Variants in KATNIP observed in about 807,000 individuals in gnomAD.
The protein encoded by KATNIP is katanin-interacting protein.
A neutral mutation model predicts 174.0 loss-of-function variants in KATNIP; 126 were observed. That is an observed-to-expected ratio of 0.72 (90% CI 0.63 to 0.84). The LOEUF is 0.84. KATNIP is among the 40% of genes least tolerant of loss of function. The pLI is 0.00. For missense variants in KATNIP, 1,958 were observed against 2,109.7 expected (o/e 0.93, Z 1.41); for synonymous variants, 810 against 835.7 (o/e 0.97, Z 0.53).
chr16:27,649,298 T>A (rs2077053747), intron 6 of KATNIP, among the ~76,000 whole-genome samples: 1 of 152,212 alleles, frequency 6.6e-6, no homozygotes. Flanking sequence ...GCTTACAGGG[T>A]TGACAACAGG....
chr16:27,646,591 C>G (rs1207387494), intron 5 of KATNIP, among the ~76,000 whole-genome samples: 3 of 152,176 alleles, frequency 2.0e-5, no homozygotes, highest in Non-Finnish European at 2.9e-5. Context: ...TGCAGATCCT[C>G]GCAGCCCCAG....
intron 5 of KATNIP, among the ~76,000 whole-genome samples, chr16:27,640,180 G>A (rs1374506553): frequency 6.6e-6 from 1 of 152,238 alleles, no homozygotes; most frequent in Non-Finnish European, 1.5e-5. Flanking sequence ...TGGATTTGGG[G>A]ATGTCACTGC....
At chr16:27,772,682 AC>A (rs2082348694) in intron 22 of KATNIP, among the ~76,000 whole-genome samples, 1 of 152,118 alleles carries the variant, frequency 6.6e-6, no homozygotes, top group African/African-American at 2.4e-5. Flanking sequence ...TCATTTCACA[AC>A]CAGGGAAACT....
rs540858889 is a variant in KATNIP at position 27,580,045 on chromosome 16, A to G, written c.63+6089A>G. Among the ~76,000 whole-genome samples the G allele has an allele frequency of 2.0e-5, 3 of 152,190 alleles. No individual in the cohort carries two copies. The South Asian group carries it at 6.2e-4, about 32-fold the overall frequency. On this transcript the variant is annotated intron_variant, in intron 2 of 27. Coordinates refer to ENST00000261588, the MANE Select transcript of KATNIP (RefSeq NM_015202.5). ...TCTCGACAGCCCTCTCTGTCTCTTC[A>G]GTGTGCAACCACAGACACACCTCTG... is the stretch of plus-strand genomic sequence containing the variant.
At chr16:27,647,559 G>A (rs1041175723) in intron 5 of KATNIP, among the ~76,000 whole-genome samples, 4 of 150,020 alleles carry the variant, frequency 2.7e-5, no homozygotes, top group Non-Finnish European at 4.4e-5. Context: ...AGGCTGGAGT[G>A]CAATGGCATG....
chr16:27,575,827 G>A (rs1567452216), intron 2 of KATNIP, among the ~76,000 whole-genome samples: 1 of 152,306 alleles, frequency 6.6e-6, no homozygotes, highest in East Asian at 1.9e-4. Context: ...CTTCGCTGCT[G>A]CTGAAAAGAT....
At chr16:27,715,140 G>A (rs936880229) in intron 13 of KATNIP, among the ~76,000 whole-genome samples, 3 of 152,238 alleles carry the variant, frequency 2.0e-5, no homozygotes, top group Non-Finnish European at 4.4e-5. Flanking sequence ...TAAACCCATG[G>A]ATTTATAGTC....
rs557550292 is a variant in KATNIP at position 27,741,788 on chromosome 16, G to A, written c.2623+868G>A. On this transcript the variant is annotated intron_variant, in intron 15 of 27. Coordinates refer to ENST00000261588, the MANE Select transcript of KATNIP (RefSeq NM_015202.5). ...CATGTGGTGCGTTCCTGTAATCCCA[G>A]CTACTTGGGAGGCTGAGGCAGGAGG... Among the ~76,000 whole-genome samples the A allele has an allele frequency of 3.9e-5, 6 of 152,224 alleles. No individual in the cohort carries two copies. The South Asian group carries it at 8.3e-4, about 21-fold the overall frequency.
Position 27,777,569 on chromosome 16 carries a change from G to T in KATNIP, c.4552-41G>T, listed in dbSNP as rs770063140. The T allele has an allele frequency of 1.6e-5, 25 of 1,561,472 alleles. 1 individual carries two copies. In the Admixed American group the frequency reaches 4.6e-4, roughly 29 times the overall value. On this transcript the variant is annotated intron_variant, in intron 25 of 27. Coordinates refer to ENST00000261588, the MANE Select transcript of KATNIP (RefSeq NM_015202.5). This position sits in a 1 kb window ranked among gnomAD's most constrained non-coding sequence, Gnocchi z 4.4. ...GTTCTGCCCAAGGTCAACGTGGGAG[G>T]GACGAGGGGGACCCATGAGTCCTGC...
Position 27,760,509 on chromosome 16 carries a change from G to A in KATNIP, c.3632-904G>A, listed in dbSNP as rs925605328. ...ATGGGAGCAGAGGCAAAAGGATGGC[G>A]GTATCACCCTAGGTCACTTCCTTTA... On this transcript the variant is annotated intron_variant, in intron 18 of 27. Transcript: ENST00000261588. Among the ~76,000 whole-genome samples, 5 of 152,132 alleles carry A rather than the reference G, an allele frequency of 3.3e-5. No homozygotes were observed. The East Asian group carries it at 5.8e-4, about 18-fold the overall frequency.
At chr16:27,778,173 C>A (rs562716377) in intron 27 of KATNIP, among the ~76,000 whole-genome samples, 1 of 152,304 alleles carries the variant, frequency 6.6e-6, no homozygotes, top group Admixed American at 6.5e-5. Flanking sequence ...CTTGCAGGCA[C>A]CTGTAACACA....
intron 6 of KATNIP, among the ~76,000 whole-genome samples, chr16:27,665,191 C>T (rs2077641194): frequency 6.6e-6 from 1 of 151,136 alleles, no homozygotes; most frequent in Middle Eastern, 3.4e-3. Context: ...CAGCAGCGCA[C>T]CTCCTGGGTT....
At chr16:27,554,839 G>C (rs983686575) in intron 1 of KATNIP, among the ~76,000 whole-genome samples, 2 of 142,650 alleles carry the variant, frequency 1.4e-5, no homozygotes, top group Non-Finnish European at 3.0e-5. Context: ...TGTCACCCAG[G>C]CTGTAGTACA....
At chr16:27,703,490 GTTA>G (rs1268333004) in intron 11 of KATNIP, among the ~76,000 whole-genome samples, 2 of 152,196 alleles carry the variant, frequency 1.3e-5, no homozygotes, top group Admixed American at 6.5e-5. Flanking sequence ...TTTTGTTGTT[GTTA>G]TTGTTGTTGT....
chr16:27,591,743 G>A (rs757280315), intron 2 of KATNIP, among the ~76,000 whole-genome samples: 8 of 152,178 alleles, frequency 5.3e-5, no homozygotes, highest in East Asian at 1.9e-4. Context: ...TATTTCTCAC[G>A]CACTCATTTT....
intron 6 of KATNIP, among the ~76,000 whole-genome samples, chr16:27,663,498 A>C (rs549886432): frequency 2.0e-5 from 3 of 151,888 alleles, no homozygotes; most frequent in Non-Finnish European, 2.9e-5. Context: ...GCTGGAGTGC[A>C]GTGCAACAGA....
intron 2 of KATNIP, among the ~76,000 whole-genome samples, chr16:27,603,550 A>C (rs2075603549): frequency 6.6e-6 from 1 of 151,890 alleles, no homozygotes; most frequent in Non-Finnish European, 1.5e-5. Context: ...ACCACCCCCA[A>C]CTGCAGTGAA....
intron 5 of KATNIP, among the ~76,000 whole-genome samples, chr16:27,643,590 CA>C (rs562253355): frequency 0.03 from 1,213 of 40,322 alleles, 4 homozygotes; most frequent in African/African-American, 0.12. Flanking sequence ...GACTCTGTCT[CA>C]AAAAAAAAAA....
chr16:27,749,786 G>A lies in KATNIP; in HGVS notation c.2826G>A (p.Lys942=), dbSNP rs374533867. 14 of 1,610,332 alleles carry A rather than the reference G, an allele frequency of 8.7e-6. No homozygotes were observed. The highest frequency in any genetic ancestry group is 1.2e-5 in the Non-Finnish European group (14 of 1,177,830). Residue 942 remains lysine, a synonymous_variant, in exon 16 of 28, where the codon AAG becomes AAA. Coordinates refer to ENST00000261588, the MANE Select transcript of KATNIP (RefSeq NM_015202.5). ...GGCACAGCGACTTGCCCCCCTCCAA[G>A]AAGGGGGAGCAGCCAGGGCTGTCGA... ...SSRHSDLPPS[K]KGEQPGLSRG... is the part of the protein sequence containing the mutation.
Sources: allele counts gnomAD v4.1 joint callset (sites outside exome capture counted in the v4.1 genomes callset), GRCh38; gene constraint gnomAD v4.1.1; non-coding constraint Gnocchi (gnomAD v3.1); transcripts MANE v1.5; gene names NCBI Gene and HGNC (gene_info 2026-07-23, HGNC 2026-07-21).